The following IQCH variants were observed in gnomAD, a reference collection of about 807,000 sequenced individuals.
IQCH encodes IQ domain-containing protein H.
Under a neutral mutation model 117.0 loss-of-function variants are expected in IQCH, and 98 were observed. The observed-to-expected ratio is 0.84, with a 90% CI of 0.71 to 0.99. The LOEUF (loss-of-function observed/expected upper bound fraction) is 0.99, where lower values mean the gene tolerates loss of function less well. Among genes scored for constraint, IQCH ranks in the 50% least tolerant of loss-of-function variants. The probability of loss-of-function intolerance (pLI) is 0.00; values close to 1 mark genes in which losing one functional copy is unlikely to be tolerated. For missense variants in IQCH, 1,102 were observed against 1,243.8 expected (o/e 0.89, Z 1.72); for synonymous variants, 412 against 448.2 (o/e 0.92, Z 1.02).
rs758095390 is a variant in IQCH at position 67,416,937 on chromosome 15, G to A, written c.2104G>A (p.Ala702Thr). The change falls in exon 15 of 21, where the codon GCT (alanine) becomes ACT (threonine). Residue 702 changes from alanine to threonine, a missense_variant. This residue lies in a region of IQCH where 650 missense variants were observed against 794.3 expected (regional missense o/e 0.82). Coordinates refer to ENST00000335894, the MANE Select transcript of IQCH (RefSeq NM_001031715.3). The surrounding 1 kb of genome is among the most constrained non-coding windows in gnomAD (Gnocchi z 5.1). ...ATTTAATTTGTTTCTGCAGGAGCCA[G>A]CTTTGGTGAAGATCTCTGAGGAGCT... ...DWRKKWAQEP[A>T]LVKISEELAG... 1 of 1,594,060 alleles carries A rather than the reference G, an allele frequency of 6.3e-7. No homozygotes were observed. The highest frequency in any genetic ancestry group is 8.5e-7 in the Non-Finnish European group (1 of 1,171,154).
chr15:67,459,126 G>T lies in IQCH; in HGVS notation c.2506-6001G>T, dbSNP rs938371231. Among the ~76,000 whole-genome samples, 2 of 152,180 alleles carry T rather than the reference G, an allele frequency of 1.3e-5. No homozygotes were observed. The highest frequency in any genetic ancestry group is 4.8e-5 in the African/African-American group (2 of 41,452). On this transcript the variant is annotated intron_variant, in intron 16 of 20. Coordinates refer to ENST00000335894, the MANE Select transcript of IQCH (RefSeq NM_001031715.3). The surrounding 1 kb of genome is among the most constrained non-coding windows in gnomAD (Gnocchi z 4.2). ...TTTTGGGTCACAGATATTTGTCTCA[G>T]ACCCTGATACCAAAAGCTGGGGCCT...
chr15:67,499,297 C>CAAAAAAAAAAAAAAAAA, intron 20 of IQCH, among the ~76,000 whole-genome samples: 4 of 49,160 alleles, frequency 8.1e-5, no homozygotes, highest in African/African-American at 3.3e-4. Context: ...AGACCTGTCC[C>CAAAAAAAAAAAAAAAAA]AAAAAAAAAA....
At chr15:67,484,132 T>C (rs1007698671) in intron 18 of IQCH, among the ~76,000 whole-genome samples, 1 of 152,164 alleles carries the variant, frequency 6.6e-6, no homozygotes, top group African/African-American at 2.4e-5. Context: ...CCAGGCATAG[T>C]GGTTTATGCC....
chr15:67,377,428 A>G (rs1970777599), intron 10 of IQCH, among the ~76,000 whole-genome samples: 1 of 152,176 alleles, frequency 6.6e-6, no homozygotes, highest in South Asian at 2.1e-4. Flanking sequence ...ATTAGGGTCT[A>G]TTTTAAGCAA....
At chr15:67,315,097 T>C (rs1181673040) in intron 4 of IQCH, among the ~76,000 whole-genome samples, 1 of 152,212 alleles carries the variant, frequency 6.6e-6, no homozygotes, top group African/African-American at 2.4e-5. Context: ...TGGGTACAGC[T>C]GAACTCATAA....
chr15:67,289,635 C>A (rs891702967), intron 4 of IQCH, among the ~76,000 whole-genome samples: 1 of 152,066 alleles, frequency 6.6e-6, no homozygotes, highest in African/African-American at 2.4e-5. Flanking sequence ...GCTTGTGGAC[C>A]CTTCCAAGAG....
In IQCH at chr15:67,465,107, A is replaced by G. The variant is rs1596444171; in HGVS notation, c.2506-20A>G. ...GTTTGCTGATTTCACCCTCACTTCTACGGCTCCTGTTTTAATCAGGTGTGG... is the reference window on the plus strand; with the variant it reads ...GTTTGCTGATTTCACCCTCACTTCTGCGGCTCCTGTTTTAATCAGGTGTGG... On this transcript the variant is annotated intron_variant, in intron 16 of 20. Transcript: ENST00000335894. This position sits in a 1 kb window ranked among gnomAD's most constrained non-coding sequence, Gnocchi z 5.9. 3.1e-6 allele frequency: 5 copies of G among 1,610,684 alleles called. No individual in the cohort carries two copies. The highest frequency in any genetic ancestry group is 2.2e-5 in the South Asian group (2 of 90,808).
Position 67,321,524 on chromosome 15 carries a change from T to TCTTTCTTTCCTTCCTTC in IQCH, c.388-15447_388-15431dup, listed in dbSNP as rs1270491249. ...TTTTCTTTCTTTCTTTTTCTTTCTT[T>TCTTTCTTTCCTTCCTTC]CTTTCTTTCCTTCCTTCCTTCCTTT... On this transcript the variant is annotated intron_variant, in intron 4 of 20. Transcript: ENST00000335894. Among the ~76,000 whole-genome samples, 92 of 151,480 alleles carry TCTTTCTTTCCTTCCTTC rather than the reference T, an allele frequency of 6.1e-4. 4 individuals carry two copies. In the East Asian group the frequency reaches 0.011, roughly 18 times the overall value.
At chr15:67,332,659 A>G (rs1224542348) in intron 4 of IQCH, among the ~76,000 whole-genome samples, 1 of 152,216 alleles carries the variant, frequency 6.6e-6, no homozygotes, top group African/African-American at 2.4e-5. Flanking sequence ...ATAAATCTGG[A>G]TGGTGCAAAA....
intron 6 of IQCH, among the ~76,000 whole-genome samples, chr15:67,353,516 C>T (rs1055954851): frequency 5.9e-5 from 9 of 152,030 alleles, no homozygotes; most frequent in Non-Finnish European, 1.0e-4. Context: ...CGCGCCACCA[C>T]GCCCGGCTAA....
rs2081765907 is a variant in IQCH, at chr15:67,422,149, CT to C, written c.2505+576del. Among the ~76,000 whole-genome samples the C allele has an allele frequency of 6.6e-6, 1 of 151,768 alleles. No homozygotes were observed. Among genetic ancestry groups the C allele is most frequent in the African/African-American group, 2.4e-5 (1 of 41,334 alleles). ...ATCTCACCCCTCACAGTTCACAGCT[CT>C]TTTGATTAGGCCCTCAATTCTGTCC... On this transcript the variant is annotated intron_variant, in intron 16 of 20. Coordinates refer to ENST00000335894, the MANE Select transcript of IQCH (RefSeq NM_001031715.3). The surrounding 1 kb of genome is among the most constrained non-coding windows in gnomAD (Gnocchi z 4.7).
intron 3 of IQCH, among the ~76,000 whole-genome samples, chr15:67,277,477 A>G (rs1170547714): frequency 4.0e-5 from 6 of 150,376 alleles, no homozygotes; most frequent in Non-Finnish European, 8.9e-5. Flanking sequence ...TAGGAGTTAC[A>G]CTGTGTTTAC....
At chr15:67,257,044 TCAGA>T (rs1965250723) in intron 1 of IQCH, among the ~76,000 whole-genome samples, 1 of 152,188 alleles carries the variant, frequency 6.6e-6, no homozygotes, top group Admixed American at 6.5e-5. Context: ...TTTATTTCCC[TCAGA>T]CAGGCTACCA....
rs548830360 is a variant in IQCH, at chr15:67,456,739, T to C, written c.2506-8388T>C. On this transcript the variant is annotated intron_variant, in intron 16 of 20. Coordinates refer to ENST00000335894, the MANE Select transcript of IQCH (RefSeq NM_001031715.3). The surrounding 1 kb of genome is among the most constrained non-coding windows in gnomAD (Gnocchi z 5.1). ...TTTGGGAGCCAGGAACTCCCAAATATGGATTTTGGATTTTTTTCAGAATCC... is the reference window on the plus strand; with the variant it reads ...TTTGGGAGCCAGGAACTCCCAAATACGGATTTTGGATTTTTTTCAGAATCC... 1.3e-4 allele frequency among the ~76,000 whole-genome samples: 20 copies of C among 152,288 alleles called. No homozygotes were observed. Among genetic ancestry groups the C allele is most frequent in the African/African-American group, 4.3e-4 (18 of 41,562 alleles).
intron 6 of IQCH, among the ~76,000 whole-genome samples, chr15:67,345,042 T>A (rs997604808): frequency 6.6e-6 from 1 of 152,188 alleles, no homozygotes; most frequent in African/African-American, 2.4e-5. Context: ...CAGACTAGAG[T>A]GCAATGGCGC....
At chr15:67,269,596 C>T (rs1965816366) in intron 3 of IQCH, among the ~76,000 whole-genome samples, 1 of 152,124 alleles carries the variant, frequency 6.6e-6, no homozygotes, top group Non-Finnish European at 1.5e-5. Flanking sequence ...TTCTCTCTAA[C>T]TGTATATTAA....
chr15:67,323,511 G>T (rs1055104678), intron 4 of IQCH, among the ~76,000 whole-genome samples: 5 of 151,860 alleles, frequency 3.3e-5, no homozygotes, highest in Admixed American at 1.3e-4. Flanking sequence ...CAAAGTGCTG[G>T]GATTACAGGT....
chr15:67,296,610 T>C (rs920765285), intron 4 of IQCH, among the ~76,000 whole-genome samples: 1 of 152,120 alleles, frequency 6.6e-6, no homozygotes, highest in Non-Finnish European at 1.5e-5. Context: ...CAGTGAAGCA[T>C]GGACCAAGCA....
chr15:67,383,292 C>T (rs1315864180), intron 10 of IQCH, among the ~76,000 whole-genome samples: 2 of 152,154 alleles, frequency 1.3e-5, no homozygotes, highest in African/African-American at 4.8e-5. Context: ...TCTATGTAGA[C>T]ATTTTATATG....
Sources: gnomAD v4.1 joint callset for allele counts (sites outside exome capture counted in the v4.1 genomes callset) on GRCh38, gnomAD v4.1.1 for gene constraint, gnomAD v4.1.1 regional missense constraint, Gnocchi (gnomAD v3.1) non-coding constraint, MANE v1.5 for transcripts, NCBI Gene and HGNC (gene_info 2026-07-23, HGNC 2026-07-21) for gene names.